Variants in CDH23 observed in about 807,000 individuals in gnomAD.
CDH23 encodes the protein cadherin related 23.
In CDH23, 189 loss-of-function variants were observed where a neutral mutation model predicts 317.1. The observed-to-expected ratio is 0.60, with a 90% CI of 0.53 to 0.67. The LOEUF (loss-of-function observed/expected upper bound fraction) is 0.67, where lower values mean the gene tolerates loss of function less well. CDH23 is among the 30% of genes least tolerant of loss of function. The pLI is 0.00. For missense variants in CDH23, 4,401 were observed against 4,592.4 expected (o/e 0.96, Z 1.20); for synonymous variants, 1,839 against 1,876.8 (o/e 0.98, Z 0.52).
intron 1 of CDH23, among the ~76,000 whole-genome samples, chr10:71,429,883 G>A (rs537844463): frequency 1.3e-5 from 2 of 152,336 alleles, no homozygotes; most frequent in South Asian, 2.1e-4. Flanking sequence ...GAGGACAAGG[G>A]CATGGCCAGC....
chr10:71,807,899 G>T lies in CDH23; in HGVS notation c.8614G>T (p.Asp2872Tyr). Reference protein sequence around the residue: ...GSELIQVLALDADIGNNSLVF... With the variant: ...GSELIQVLALYADIGNNSLVF... ...AGAGTTGATCCAGGTGCTGGCCCTGGATGCAGACATTGGCAACAACAGCCT... is the reference window on the plus strand; with the variant it reads ...AGAGTTGATCCAGGTGCTGGCCCTGTATGCAGACATTGGCAACAACAGCCT... Residue 2872 changes from aspartate to tyrosine, a missense_variant, in exon 60 of 70, where the codon GAT becomes TAT. Physicochemically the swap from Asp to Tyr is radical, Grantham distance 160. Transcript: ENST00000224721. 6.2e-7 allele frequency: 1 copy of T among 1,604,262 alleles called. No homozygotes were observed. Among genetic ancestry groups the T allele is most frequent in the Non-Finnish European group, 8.5e-7 (1 of 1,175,456 alleles).
chr10:71,589,008 C>T (rs757374286), intron 9 of CDH23, among the ~76,000 whole-genome samples: 14 of 152,234 alleles, frequency 9.2e-5, no homozygotes, highest in African/African-American at 3.1e-4. Flanking sequence ...CCCACTCACA[C>T]GCAAACAGCT....
At position 71,732,073 on chromosome 10, in the gene CDH23, G is replaced by T; in HGVS notation, c.3802G>T (p.Val1268Leu). The T allele has an allele frequency of 1.9e-6, 3 of 1,613,986 alleles. No individual in the cohort carries two copies. Among genetic ancestry groups the T allele is most frequent in the Admixed American group, 1.7e-5 (1 of 60,016 alleles). The part of the protein sequence containing the change: ...IDESTGLIIT[V>L]NYLDYETKTS... ...CGAGAGCACAGGGCTTATCATCACC[G>T]TGAATTACCTGGACTACGAGACCAA... The change falls in exon 32 of 70, where the codon GTG (valine) becomes TTG (leucine). Residue 1268 changes from valine to leucine, a missense_variant. By Grantham distance (32) the Val-to-Leu change is conservative. Coordinates refer to ENST00000224721, the MANE Select transcript of CDH23 (RefSeq NM_022124.6).
At chr10:71,788,078 TG>T (rs1169016137) in intron 44 of CDH23, among the ~76,000 whole-genome samples, 2 of 152,220 alleles carry the variant, frequency 1.3e-5, no homozygotes, top group Non-Finnish European at 2.9e-5. Context: ...GATGGTGTCT[TG>T]CTCTCTTGCC....
At chr10:71,808,080 G>A (rs1042315237) in intron 60 of CDH23, 73 bp downstream of exon 60, 4 of 1,533,096 alleles carry the variant, frequency 2.6e-6, no homozygotes, top group African/African-American at 1.4e-5. Flanking sequence ...CATCTGGGGG[G>A]AGATGGGGTC....
intron 8 of CDH23, among the ~76,000 whole-genome samples, chr10:71,574,428 G>A (rs186196675): frequency 1.5e-4 from 23 of 152,172 alleles, no homozygotes; most frequent in African/African-American, 2.9e-4. Context: ...TCAGCCTTTC[G>A]ACTGGAATTG....
intron 3 of CDH23, among the ~76,000 whole-genome samples, chr10:71,492,298 T>G (rs1043411457): frequency 2.0e-5 from 3 of 152,208 alleles, no homozygotes; most frequent in African/African-American, 7.2e-5. Context: ...GCCTGAGAGC[T>G]TCTAGCTCTG....
chr10:71,629,206 C>G, intron 11 of CDH23, among the ~76,000 whole-genome samples: 1 of 152,154 alleles, frequency 6.6e-6, no homozygotes, highest in Non-Finnish European at 1.5e-5. Flanking sequence ...AGCTAAGGTT[C>G]CAAGGATGGA....
intron 11 of CDH23, among the ~76,000 whole-genome samples, chr10:71,629,112 C>T (rs556287417): frequency 6.6e-6 from 1 of 152,312 alleles, no homozygotes; most frequent in East Asian, 1.9e-4. Flanking sequence ...CTTATTCCTT[C>T]ATTCATTCAA....
chr10:71,667,737 G>C (rs1009088097), intron 14 of CDH23, among the ~76,000 whole-genome samples: 5 of 152,180 alleles, frequency 3.3e-5, no homozygotes, highest in African/African-American at 1.2e-4. Context: ...GCCTGGGTAA[G>C]AAGGGGTTCT....
intron 6 of CDH23, among the ~76,000 whole-genome samples, chr10:71,555,305 G>A (rs549148314): frequency 4.6e-5 from 7 of 152,258 alleles, no homozygotes; most frequent in Non-Finnish European, 7.4e-5. Flanking sequence ...TGGGTATCAG[G>A]GCTGCACCGT....
At chr10:71,720,169 G>A (rs1271860040) in intron 28 of CDH23, among the ~76,000 whole-genome samples, 4 of 152,204 alleles carry the variant, frequency 2.6e-5, no homozygotes, top group Non-Finnish European at 4.4e-5. Flanking sequence ...CAGGGAGAGT[G>A]CTGGTCCCTG....
rs751046027 is a variant in CDH23, at chr10:71,725,409, T to G, written c.3468T>G (p.Asn1156Lys). 5.6e-6 allele frequency: 9 copies of G among 1,614,028 alleles called. No homozygotes were observed. Among genetic ancestry groups the G allele is most frequent in the Admixed American group, 3.3e-5 (2 of 60,034 alleles). ...ACAACTTCCGGATCCATGTCAGCAA[T>G]GGGCTCCTGATGCGAGGGCCCCGGC... ...HGNNFRIHVSNGLLMRGPRPL... is the reference protein window; with the variant it reads ...HGNNFRIHVSKGLLMRGPRPL... Residue 1156 changes from asparagine (N) to lysine (K), a missense_variant, in exon 30 of 70, where the codon AAT becomes AAG. Coordinates refer to ENST00000224721, the MANE Select transcript of CDH23 (RefSeq NM_022124.6).
chr10:71,466,974 A>G (rs1261344789), intron 3 of CDH23, among the ~76,000 whole-genome samples: 1 of 152,154 alleles, frequency 6.6e-6, no homozygotes, highest in African/African-American at 2.4e-5. Context: ...GGAGAGCAAA[A>G]GACAGCTTGT....
intron 3 of CDH23, among the ~76,000 whole-genome samples, chr10:71,485,023 C>CTT (rs56153129): frequency 1.1e-4 from 12 of 110,120 alleles, no homozygotes; most frequent in South Asian, 2.9e-4. Flanking sequence ...TTTCTTTTTT[C>CTT]TTTTTTTTTT....
intron 1 of CDH23, among the ~76,000 whole-genome samples, chr10:71,416,914 AT>A (rs1848557965): frequency 1.3e-5 from 2 of 151,996 alleles, no homozygotes; most frequent in East Asian, 3.8e-4. Context: ...TCTGGCTCCC[AT>A]TGTTTGTTTC....
At chr10:71,624,910 A>G (rs757704708) in intron 11 of CDH23, among the ~76,000 whole-genome samples, 1 of 152,066 alleles carries the variant, frequency 6.6e-6, no homozygotes, top group Non-Finnish European at 1.5e-5. Context: ...AGGGCTCCCC[A>G]TTTGCAAACA....
intron 6 of CDH23, among the ~76,000 whole-genome samples, chr10:71,549,621 G>A (rs1856472150): frequency 6.6e-6 from 1 of 152,238 alleles, no homozygotes; most frequent in Admixed American, 6.5e-5. Flanking sequence ...GGCTCAGTCT[G>A]GGAAGAGCAC....
intron 14 of CDH23, among the ~76,000 whole-genome samples, chr10:71,665,917 G>A (rs187720368): frequency 2.0e-5 from 3 of 152,300 alleles, no homozygotes; most frequent in Non-Finnish European, 1.5e-5. Context: ...GCAAAGATGC[G>A]TTAACACAAG....
Sources: gnomAD v4.1 joint callset for allele counts (sites outside exome capture counted in the v4.1 genomes callset) on GRCh38, gnomAD v4.1.1 for gene constraint, MANE v1.5 for transcripts, NCBI Gene and HGNC (gene_info 2026-07-23, HGNC 2026-07-21) for gene names.